The following NLRC4 variants were observed in gnomAD, a reference collection of about 807,000 sequenced individuals.
NLRC4 encodes the protein NLR family CARD domain-containing protein 4.
Under a neutral mutation model 79.9 loss-of-function variants are expected in NLRC4, and 63 were observed. That is an observed-to-expected ratio of 0.79 (90% CI 0.64 to 0.97). The LOEUF is 0.97. Ranked by LOEUF, NLRC4 falls within the 50% of genes least tolerant of loss-of-function variation. The pLI is 0.00. For missense variants in NLRC4, 1,074 were observed against 1,215.2 expected, an observed-to-expected ratio of 0.88 and a Z score of 1.73; for synonymous variants, 461 against 456.5, an observed-to-expected ratio of 1.01 and a Z score of -0.12.
chr2:32,249,513 A>G (rs961067554), intron 4 of NLRC4, 94 bp downstream of exon 4: 1 of 1,058,478 alleles, frequency 9.4e-7, no homozygotes, highest in Non-Finnish European at 1.4e-6. Flanking sequence ...GTAACCCTTT[A>G]GAAGAAATAA....
intron 4 of NLRC4, among the ~76,000 whole-genome samples, chr2:32,246,012 C>T (rs1216666488): frequency 2.0e-5 from 3 of 151,760 alleles, no homozygotes; most frequent in Admixed American, 1.3e-4. Flanking sequence ...GGTGAAACCC[C>T]GTCTGTACTA....
At position 32,252,412 on chromosome 2, in the gene NLRC4, T is replaced by C. The variant is rs1394851379; in HGVS notation, c.262+7A>G. ...CAGAAACAGATGCAAAACTAACTGA[T>C]ACTTACTTTGTCCATTCAAGTCCTG... On this transcript the variant is annotated splice_region_variant and intron_variant, in intron 3 of 8. Coordinates refer to ENST00000402280, the MANE Select transcript of NLRC4 (RefSeq NM_001199138.2). 1 of 1,597,192 alleles carries C rather than the reference T, an allele frequency of 6.3e-7. No individual in the cohort carries two copies. Among genetic ancestry groups the C allele is most frequent in the Non-Finnish European group, 8.6e-7 (1 of 1,164,742 alleles).
intron 5 of NLRC4, among the ~76,000 whole-genome samples, chr2:32,239,259 C>T (rs991174682): frequency 5.9e-5 from 9 of 151,812 alleles, no homozygotes; most frequent in African/African-American, 2.2e-4. Flanking sequence ...CCAGCCTGGG[C>T]GACAGAGCGA....
intron 8 of NLRC4, among the ~76,000 whole-genome samples, chr2:32,227,076 G>A (rs1686420412): frequency 2.0e-5 from 3 of 151,996 alleles, no homozygotes; most frequent in South Asian, 4.2e-4. Flanking sequence ...TCACTTTTCC[G>A]CTTTTCCCCT....
At chr2:32,255,840 T>C (rs1687195432) in intron 2 of NLRC4, among the ~76,000 whole-genome samples, 1 of 151,590 alleles carries the variant, frequency 6.6e-6, no homozygotes, top group African/African-American at 2.4e-5. Flanking sequence ...TGGTGAAACC[T>C]CGTCTCTACT....
At chr2:32,261,315 C>CTTTTTTTT (rs1558464069) in intron 1 of NLRC4, among the ~76,000 whole-genome samples, 2 of 81,572 alleles carry the variant, frequency 2.5e-5, no homozygotes, top group African/African-American at 9.6e-5. Context: ...AAGCCTCCCC[C>CTTTTTTTT]CTTTTGTTTT....
chr2:32,228,996 C>A (rs908945905), intron 8 of NLRC4, among the ~76,000 whole-genome samples: 15 of 151,460 alleles, frequency 9.9e-5, no homozygotes, highest in African/African-American at 3.4e-4. Context: ...GAACTCCTGA[C>A]CTCAAGTGAT....
chr2:32,224,655 T>C lies in NLRC4; in HGVS notation c.2893A>G (p.Lys965Glu), dbSNP rs773034065. 5 of 1,613,228 alleles carry C rather than the reference T, an allele frequency of 3.1e-6. No homozygotes were observed. The highest frequency in any genetic ancestry group is 4.2e-6 in the Non-Finnish European group (5 of 1,179,352). The change falls in exon 9 of 9, where the codon AAG (lysine) becomes GAG (glutamate). Residue 965 changes from lysine to glutamate, a missense_variant. By Grantham distance (56) the Lys-to-Glu change is moderately conservative. Transcript: ENST00000402280. ...CTAAAGTCAAAAAACACTAATTGCT[T>C]AAGATTCTCAAATACACCCATGAAG... ...LAFMGVFENL[K>E]QLVFFDFSTK...
intron 8 of NLRC4, among the ~76,000 whole-genome samples, chr2:32,228,031 T>C (rs1164730572): frequency 6.6e-6 from 1 of 152,234 alleles, no homozygotes; most frequent in Non-Finnish European, 1.5e-5. Flanking sequence ...GAGTTCTCAC[T>C]GTTTATTCAT....
At chr2:32,229,484 A>C (rs1447493126) in intron 8 of NLRC4, among the ~76,000 whole-genome samples, 1 of 152,168 alleles carries the variant, frequency 6.6e-6, no homozygotes, top group Non-Finnish European at 1.5e-5. Context: ...AAAACAAACA[A>C]AAAAACAGGT....
chr2:32,255,365 A>G (rs1451470535), intron 2 of NLRC4, among the ~76,000 whole-genome samples: 1 of 152,186 alleles, frequency 6.6e-6, no homozygotes, highest in South Asian at 2.1e-4. Flanking sequence ...TACTAAAAAT[A>G]CAAAATTAGC....
chr2:32,262,780 A>G (rs542965429), intron 1 of NLRC4, among the ~76,000 whole-genome samples: 111 of 140,016 alleles, frequency 7.9e-4, no homozygotes, highest in East Asian at 6.1e-4. Flanking sequence ...TGTCTCAGAC[A>G]AAAAAAAAAA....
chr2:32,251,575 C>G lies in NLRC4; in HGVS notation c.289G>C (p.Asp97His). 6.2e-7 allele frequency: 1 copy of G among 1,605,482 alleles called. No individual in the cohort carries two copies. Among genetic ancestry groups the G allele is most frequent in the Non-Finnish European group, 8.5e-7 (1 of 1,176,056 alleles). Reference protein sequence around the residue: ...QSLFHQTSEGDLDDLAQDLKD... With the variant: ...QSLFHQTSEGHLDDLAQDLKD... ...AAATCCTGAGCCAAATCGTCCAAGT[C>G]TCCTTCTGATGTCTGATGAAAAAGA... is the stretch of plus-strand genomic sequence containing the variant. Residue 97 changes from aspartate (D) to histidine (H), a missense_variant, in exon 4 of 9, where the codon GAC (aspartate) becomes CAC (histidine). Asp to His is a moderately conservative substitution (Grantham distance 81). Transcript: ENST00000402280.
In NLRC4 at chr2:32,252,482, T is replaced by G. The variant is rs545004876; in HGVS notation, c.199A>C (p.Asn67His). ...TCCTTAAGGGATTTAAGAAAGAGGT[T>G]ACAGGACTCTGAACCCTTTTTCAAA... Reference protein sequence around the residue: ...MILKKGSESCNLFLKSLKEWN... With the variant: ...MILKKGSESCHLFLKSLKEWN... The change falls in exon 3 of 9, where the codon AAC becomes CAC. Residue 67 changes from asparagine to histidine, a missense_variant. Coordinates refer to ENST00000402280, the MANE Select transcript of NLRC4 (RefSeq NM_001199138.2). 38 of 1,612,114 alleles carry G rather than the reference T, an allele frequency of 2.4e-5. No individual in the cohort carries two copies. The Admixed American group carries it at 6.3e-4, about 27-fold the overall frequency.
At chr2:32,246,823 C>G (rs184651744) in intron 4 of NLRC4, among the ~76,000 whole-genome samples, 6 of 152,276 alleles carry the variant, frequency 3.9e-5, no homozygotes, top group Admixed American at 3.3e-4. Context: ...TGCTGTGTTG[C>G]CCAGGCACAG....
intron 2 of NLRC4, among the ~76,000 whole-genome samples, chr2:32,254,516 C>G (rs893170272): frequency 6.6e-6 from 1 of 151,950 alleles, no homozygotes; most frequent in East Asian, 1.9e-4. Context: ...GCACTGTACC[C>G]ACGCTATGTT....
chr2:32,249,425 C>A (rs893080301), intron 4 of NLRC4, among the ~76,000 whole-genome samples, 182 bp downstream of exon 4: 5 of 152,216 alleles, frequency 3.3e-5, no homozygotes, highest in Non-Finnish European at 7.3e-5. Context: ...TCTACCCCAA[C>A]CCCTCCTTCG....
chr2:32,244,738 C>T (rs555561279), intron 4 of NLRC4, among the ~76,000 whole-genome samples: 114 of 151,660 alleles, frequency 7.5e-4, no homozygotes, highest in African/African-American at 2.1e-3. Context: ...TAGCAGTTTG[C>T]GAGACTGATG....
intron 8 of NLRC4, among the ~76,000 whole-genome samples, chr2:32,231,585 T>TGG (rs1686540140): frequency 7.8e-5 from 3 of 38,290 alleles, no homozygotes; most frequent in African/African-American, 1.0e-4. Flanking sequence ...GGGGGGGGGG[T>TGG]GGGGGACTGG....
Sources: allele counts gnomAD v4.1 joint callset (sites outside exome capture counted in the v4.1 genomes callset), GRCh38; gene constraint gnomAD v4.1.1; transcripts MANE v1.5; gene names NCBI Gene and HGNC (gene_info 2026-07-23, HGNC 2026-07-21).